The following NUP210 variants were observed in gnomAD, a reference collection of about 807,000 sequenced individuals.
NUP210 encodes nuclear pore membrane glycoprotein 210.
In NUP210, 151 loss-of-function variants were observed where a neutral mutation model predicts 196.0. The observed-to-expected ratio is 0.77, with a 90% CI of 0.67 to 0.88. NUP210 has a LOEUF of 0.88. Among genes scored for constraint, NUP210 ranks in the 40% least tolerant of loss-of-function variants. The probability of loss-of-function intolerance (pLI) is 0.00; values close to 1 mark genes in which losing one functional copy is unlikely to be tolerated. For missense variants in NUP210, 2,314 were observed against 2,493.7 expected (o/e 0.93, Z 1.53); for synonymous variants, 1,070 against 1,052.7 (o/e 1.02, Z -0.32).
intron 28 of NUP210, among the ~76,000 whole-genome samples, chr3:13,332,933 G>T (rs1697058178): frequency 1.3e-5 from 2 of 152,216 alleles, no homozygotes. Flanking sequence ...GGATAACTGT[G>T]CCAGGACTGA....
intron 28 of NUP210, 23 bp from the exon 29 acceptor site, chr3:13,332,407 C>T (rs1697032821): frequency 6.3e-7 from 1 of 1,581,752 alleles, no homozygotes; most frequent in Non-Finnish European, 8.7e-7. Flanking sequence ...GCAAGTTTCA[C>T]TTCCGATGGG....
chr3:13,366,702 A>T (rs1239037294), intron 13 of NUP210, among the ~76,000 whole-genome samples: 2 of 150,700 alleles, frequency 1.3e-5, no homozygotes, highest in Non-Finnish European at 3.0e-5. Flanking sequence ...TATTTTTAGT[A>T]GAGATGGGGT....
At position 13,413,093 on chromosome 3, in the gene NUP210, C is replaced by T. The variant is rs192173759; in HGVS notation, c.167+6967G>A. ...TAGCCTGGCCAATATGGTGAAACCC[C>T]GTCTCTACTAAAAATACTAAAATTA... On this transcript the variant is annotated intron_variant, in intron 1 of 39. Transcript: ENST00000254508. 2.3e-3 allele frequency among the ~76,000 whole-genome samples: 352 copies of T among 152,152 alleles called. 3 individuals carry two copies. The highest frequency in any genetic ancestry group is 0.016 in the Admixed American group (241 of 15,284).
chr3:13,368,269 G>C (rs1179742687), intron 13 of NUP210, among the ~76,000 whole-genome samples: 1 of 151,962 alleles, frequency 6.6e-6, no homozygotes, highest in Non-Finnish European at 1.5e-5. Context: ...TAGAGGCAAG[G>C]TCCCATTATG....
At chr3:13,358,054 A>G (rs1698242220) in intron 16 of NUP210, among the ~76,000 whole-genome samples, 168 bp downstream of exon 16, 1 of 152,192 alleles carries the variant, frequency 6.6e-6, no homozygotes, top group Admixed American at 6.5e-5. Flanking sequence ...CCCTGCATAT[A>G]AAACACAAAT....
At chr3:13,363,694 A>T (rs1389766631) in intron 14 of NUP210, among the ~76,000 whole-genome samples, 2 of 152,130 alleles carry the variant, frequency 1.3e-5, no homozygotes, top group East Asian at 3.8e-4. Context: ...TTGTAAATAA[A>T]CCTGATCTTA....
intron 32 of NUP210, among the ~76,000 whole-genome samples, chr3:13,326,962 G>A (rs1229266445): frequency 2.3e-4 from 35 of 152,278 alleles, no homozygotes; most frequent in Non-Finnish European, 5.9e-5. Flanking sequence ...CAATCTGGCA[G>A]TGGTAGGGTG....
intron 2 of NUP210, among the ~76,000 whole-genome samples, chr3:13,398,588 CAAT>C (rs1699739890): frequency 6.6e-6 from 1 of 152,032 alleles, no homozygotes; most frequent in Non-Finnish European, 1.5e-5. Context: ...TCTAAATGCC[CAAT>C]ACAAGGGAAT....
In NUP210 at chr3:13,328,413, A is replaced by G. The variant is rs536990531; in HGVS notation, c.4286+358T>C. Among the ~76,000 whole-genome samples the G allele has an allele frequency of 1.4e-3, 209 of 152,314 alleles. 2 individuals are homozygous for G. The highest frequency in any genetic ancestry group is 2.3e-3 in the Admixed American group (35 of 15,300). On this transcript the variant is annotated intron_variant, in intron 31 of 39. Transcript: ENST00000254508. ...CTTTCCATAAGGCAACACCCCTGAC[A>G]CCTGTCTTTGAATGCATTCAGCAAC...
At position 13,370,766 on chromosome 3, in the gene NUP210, C is replaced by T. The variant is rs181183845; in HGVS notation, c.1786+1068G>A. 2.0e-4 allele frequency among the ~76,000 whole-genome samples: 30 copies of T among 152,358 alleles called. No individual in the cohort carries two copies. In the South Asian group the frequency reaches 5.4e-3, roughly 27 times the overall value. ...AGCTTCAAACTGCAAAAGCTCTGCA[C>T]GTAATTACAGCTACAGTTGCACGCA... is the stretch of plus-strand genomic sequence containing the variant. On this transcript the variant is annotated intron_variant, in intron 13 of 39. Transcript: ENST00000254508.
At position 13,350,772 on chromosome 3, in the gene NUP210, C is replaced by A. The variant is rs1204957258; in HGVS notation, c.2835+1107G>T. On this transcript the variant is annotated intron_variant, in intron 20 of 39. Transcript: ENST00000254508. This position sits in a 1 kb window ranked among gnomAD's most constrained non-coding sequence, Gnocchi z 4.1. Reference sequence around the variant, plus strand: ...GCAGTGGCGCAATCTTGGCTCACTGCAAGCTCCACCCGCTGGGTTCACGCC... The same window carrying A: ...GCAGTGGCGCAATCTTGGCTCACTGAAAGCTCCACCCGCTGGGTTCACGCC... Among the ~76,000 whole-genome samples, 1 of 149,872 alleles carries A rather than the reference C, an allele frequency of 6.7e-6. No homozygotes were observed. Among genetic ancestry groups the A allele is most frequent in the African/African-American group, 2.5e-5 (1 of 40,634 alleles).
intron 35 of NUP210, 102 bp from the exon 36 acceptor site, chr3:13,321,937 C>A: frequency 6.7e-7 from 1 of 1,490,104 alleles, no homozygotes; most frequent in Non-Finnish European, 9.1e-7. Flanking sequence ...ATGCATCCTC[C>A]AAAGCCCAGG....
chr3:13,418,331 G>A (rs1173614425), intron 1 of NUP210, among the ~76,000 whole-genome samples: 9 of 152,338 alleles, frequency 5.9e-5, no homozygotes, highest in East Asian at 1.9e-4. Context: ...AGTGGCTCAC[G>A]CCTGTAATCC....
chr3:13,360,351 GC>G lies in NUP210; in HGVS notation c.2072del (p.Gly691AlafsTer20). ...NVTAEDTDSI[G>X]LALFAPHSSR... ...AGGAATGGGGGGCAAAGAGAGCCAG[GC>G]CGATGCTGTCAGTGTCCTCAGCGGT... On this transcript the variant is annotated frameshift_variant, in exon 15 of 40. Coordinates refer to ENST00000254508, the MANE Select transcript of NUP210 (RefSeq NM_024923.4). LOFTEE classifies it high-confidence loss of function. 6.2e-7 allele frequency: 1 copy of G among 1,614,230 alleles called. No individual in the cohort carries two copies. The highest frequency in any genetic ancestry group is 8.5e-7 in the Non-Finnish European group (1 of 1,180,038).
rs116027343 is a variant in NUP210, at chr3:13,393,478, G to A, written c.437-2171C>T. 8.2e-3 allele frequency among the ~76,000 whole-genome samples: 1,242 copies of A among 152,336 alleles called. 10 individuals carry two copies. Among genetic ancestry groups the A allele is most frequent in the Middle Eastern group, 0.027 (8 of 294 alleles). On this transcript the variant is annotated intron_variant, in intron 3 of 39. Transcript: ENST00000254508. ...TTAGGCTTCTGTAAGTTACCTGCTC[G>A]GGCAGGTGCACACACAGGACCGAGT...
intron 1 of NUP210, among the ~76,000 whole-genome samples, chr3:13,418,978 GA>G (rs1700442954): frequency 8.9e-6 from 1 of 112,108 alleles, no homozygotes; most frequent in Non-Finnish European, 1.9e-5. Context: ...AAAAAAGAAA[GA>G]AAGAAATAGG....
Position 13,323,994 on chromosome 3 carries a change from C to T in NUP210, c.4645-562G>A, listed in dbSNP as rs183558517. On this transcript the variant is annotated intron_variant, in intron 33 of 39. Coordinates refer to ENST00000254508, the MANE Select transcript of NUP210 (RefSeq NM_024923.4). This position sits in a 1 kb window ranked among gnomAD's most constrained non-coding sequence, Gnocchi z 4.3. ...GCCCCCCTCCCTCTCTCAGCAGGCACCAGCGCTCCCTGCCTCCAGGAGATC... is the reference window on the plus strand; with the variant it reads ...GCCCCCCTCCCTCTCTCAGCAGGCATCAGCGCTCCCTGCCTCCAGGAGATC... Among the ~76,000 whole-genome samples, 1 of 152,322 alleles carries T rather than the reference C, an allele frequency of 6.6e-6. No individual in the cohort carries two copies. The highest frequency in any genetic ancestry group is 1.5e-5 in the Non-Finnish European group (1 of 68,008).
intron 1 of NUP210, among the ~76,000 whole-genome samples, chr3:13,406,686 A>G (rs974353087): frequency 2.6e-5 from 4 of 152,142 alleles, no homozygotes; most frequent in African/African-American, 9.7e-5. Context: ...TCTGAGGAAA[A>G]GCCCTCCCCT....
rs193176392 is a variant in NUP210 at position 13,343,639 on chromosome 3, C to T, written c.2836-336G>A. ...GAAAATGGAAGCTGCTCCAAGGGGG[C>T]CAGTCAGCAGCCTTGGGACGTGCAC... is the stretch of plus-strand genomic sequence containing the variant. On this transcript the variant is annotated intron_variant, in intron 20 of 39. Transcript: ENST00000254508. Among the ~76,000 whole-genome samples the T allele has an allele frequency of 6.6e-5, 10 of 152,312 alleles. No individual in the cohort carries two copies. In the East Asian group the frequency reaches 1.9e-3, roughly 29 times the overall value.
Sources: allele counts gnomAD v4.1 joint callset (sites outside exome capture counted in the v4.1 genomes callset), GRCh38; gene constraint gnomAD v4.1.1; non-coding constraint Gnocchi (gnomAD v3.1); transcripts MANE v1.5; gene names NCBI Gene and HGNC (gene_info 2026-07-23, HGNC 2026-07-21).